Variants in BCL2L13 observed in about 807,000 individuals in gnomAD.
BCL2L13 encodes bcl-2-like protein 13.
A neutral mutation model predicts 25.8 loss-of-function variants in BCL2L13; 13 were observed. The ratio of observed to expected loss-of-function variants is 0.50; its 90% CI spans 0.33 to 0.80. The LOEUF (loss-of-function observed/expected upper bound fraction) is 0.80, where lower values mean the gene tolerates loss of function less well. Among genes scored for constraint, BCL2L13 ranks in the 30% least tolerant of loss-of-function variants. BCL2L13 has a pLI of 0.02. For missense variants in BCL2L13, 504 were observed against 574.9 expected (o/e 0.88, Z 1.26); for synonymous variants, 244 against 230.3 (o/e 1.06, Z -0.54).
chr22:17,639,876 CAG>C (rs1385297458), intron 1 of BCL2L13, among the ~76,000 whole-genome samples: 1 of 145,488 alleles, frequency 6.9e-6, no homozygotes, highest in African/African-American at 2.6e-5. Context: ...TTTTTTGAGA[CAG>C]AGTTTCCCTC....
At chr22:17,666,603 C>G (rs1017780502) in intron 2 of BCL2L13, among the ~76,000 whole-genome samples, 15 of 151,024 alleles carry the variant, frequency 9.9e-5, no homozygotes, top group African/African-American at 3.2e-4. Flanking sequence ...GTTTGTCTTT[C>G]TGTGCCTGGC....
At chr22:17,689,672 G>A (rs1024495805) in intron 4 of BCL2L13, among the ~76,000 whole-genome samples, 4 of 151,258 alleles carry the variant, frequency 2.6e-5, no homozygotes, top group Admixed American at 6.6e-5. Context: ...GTGAAACCTC[G>A]TCTCTACTAA....
chr22:17,650,943 T>C (rs1346557551), intron 1 of BCL2L13, among the ~76,000 whole-genome samples: 1 of 151,430 alleles, frequency 6.6e-6, no homozygotes, highest in East Asian at 1.9e-4. Flanking sequence ...CTTCCCAAAG[T>C]GTTGGGATTA....
At chr22:17,713,462 T>TTA (rs766362491) in intron 6 of BCL2L13, among the ~76,000 whole-genome samples, 4 of 72,074 alleles carry the variant, frequency 5.5e-5, no homozygotes, top group Non-Finnish European at 1.4e-4. Context: ...GAAAATGCAT[T>TTA]TTTTTTTTTT....
At chr22:17,712,628 G>C (rs989631080) in intron 6 of BCL2L13, among the ~76,000 whole-genome samples, 28 of 152,280 alleles carry the variant, frequency 1.8e-4, no homozygotes, top group African/African-American at 6.7e-4. Context: ...TAATTCCTTA[G>C]TAACAGATGT....
chr22:17,692,594 T>C (rs1601684367), intron 4 of BCL2L13, among the ~76,000 whole-genome samples: 1 of 152,238 alleles, frequency 6.6e-6, no homozygotes, highest in South Asian at 2.1e-4. Flanking sequence ...GGGAAGGTGA[T>C]GCCAGGAAGA....
At chr22:17,631,656 GTA>G (rs2058016924) in intron 1 of BCL2L13, among the ~76,000 whole-genome samples, 1 of 30,498 alleles carries the variant, frequency 3.3e-5, no homozygotes, top group African/African-American at 2.1e-4. Flanking sequence ...GTGTGTGTAT[GTA>G]TGTGTGTGTG....
intron 6 of BCL2L13, among the ~76,000 whole-genome samples, chr22:17,720,958 A>G (rs12172329): frequency 0.066 from 10,094 of 151,912 alleles, 500 homozygotes; most frequent in Non-Finnish European, 0.1. Context: ...CGAGGTCAGG[A>G]GATCGAGACC....
intron 6 of BCL2L13, among the ~76,000 whole-genome samples, chr22:17,708,476 A>G (rs761942663): frequency 3.3e-5 from 5 of 152,224 alleles, no homozygotes; most frequent in Admixed American, 6.5e-5. Flanking sequence ...TAATCCTCTC[A>G]TAGCATTGTT....
At chr22:17,646,955 A>T (rs28410218) in intron 1 of BCL2L13, among the ~76,000 whole-genome samples, 1,802 of 22,246 alleles carry the variant, frequency 0.081, 132 homozygotes, top group East Asian at 0.15. Flanking sequence ...ATATATATAT[A>T]TTTTTTTTTT....
In BCL2L13 at chr22:17,702,257, G is replaced by A. The variant is rs1047629684; in HGVS notation, c.471G>A (p.Leu157=). ...TTGCATTGAAGATTTTGGTGCCTCT[G>A]GTTTTGCTACGACAAATGCTTTTGG... ...ASGWNKILVP[L]VLLRQMLLEL... Residue 157 remains leucine, a synonymous_variant, in exon 6 of 7, where the codon CTG becomes CTA. Coordinates refer to ENST00000317582, the MANE Select transcript of BCL2L13 (RefSeq NM_015367.4). The A allele has an allele frequency of 5.0e-6, 8 of 1,605,092 alleles. No homozygotes were observed. In the Admixed American group the frequency reaches 5.2e-5, roughly 10 times the overall value.
upstream of BCL2L13, chr22:17,638,587 AT>A: frequency 2.1e-6 from 2 of 959,500 alleles, no homozygotes; most frequent in Non-Finnish European, 2.7e-6. Context: ...GAACGTCGCA[AT>A]CAGATTTGGG....
intron 2 of BCL2L13, among the ~76,000 whole-genome samples, chr22:17,660,003 G>A (rs568155980): frequency 1.4e-5 from 2 of 146,078 alleles, no homozygotes; most frequent in South Asian, 4.3e-4. Flanking sequence ...CTACAGGCAC[G>A]CGCCACTGCG....
At chr22:17,682,470 G>C (rs1448202830) in intron 2 of BCL2L13, among the ~76,000 whole-genome samples, 7 of 152,088 alleles carry the variant, frequency 4.6e-5, no homozygotes. Flanking sequence ...TTTGAAGTGG[G>C]GGGAATGGAC....
intron 2 of BCL2L13, among the ~76,000 whole-genome samples, chr22:17,680,546 A>C (rs920408461): frequency 7.3e-6 from 1 of 136,612 alleles, no homozygotes; most frequent in Non-Finnish European, 1.6e-5. Context: ...AAAAAAGAAA[A>C]AAAGACTCAT....
Position 17,702,351 on chromosome 22 carries a change from T to A in BCL2L13, c.565T>A (p.Tyr189Asn), listed in dbSNP as rs2060463304. 1 of 1,610,466 alleles carries A rather than the reference T, an allele frequency of 6.2e-7. No homozygotes were observed. The highest frequency in any genetic ancestry group is 8.5e-7 in the Non-Finnish European group (1 of 1,178,166). The change falls in exon 6 of 7, where the codon TAT (tyrosine) becomes AAT (asparagine). Residue 189 changes from tyrosine (Y) to asparagine (N), a missense_variant. By Grantham distance (143) the Tyr-to-Asn change is moderately radical. Transcript: ENST00000317582. The stretch of plus-strand genomic sequence containing the variant: ...GTTTGGCGTGACATACCTGGAGGAC[T>A]ATTCGGCAGAGTACATCATTCAGCA... ...LQFGVTYLEDYSAEYIIQQGG... is the reference protein window; with the variant it reads ...LQFGVTYLEDNSAEYIIQQGG...
intron 6 of BCL2L13, among the ~76,000 whole-genome samples, chr22:17,720,952 G>T (rs942406734): frequency 2.6e-5 from 4 of 151,966 alleles, no homozygotes; most frequent in African/African-American, 9.7e-5. Flanking sequence ...GGATCACGAG[G>T]TCAGGAGATC....
At chr22:17,696,327 A>AG in intron 5 of BCL2L13, 117 bp downstream of exon 5, 1 of 865,292 alleles carries the variant, frequency 1.2e-6, no homozygotes, top group South Asian at 1.4e-5. Context: ...TAATGCACAA[A>AG]TCTATGTTAA....
intron 2 of BCL2L13, among the ~76,000 whole-genome samples, chr22:17,678,112 T>C (rs2059627586): frequency 6.6e-6 from 1 of 152,040 alleles, no homozygotes; most frequent in East Asian, 2.0e-4. Flanking sequence ...AGCCTCGACC[T>C]CCCAGGCTCA....
Sources: gnomAD v4.1 joint callset for allele counts (sites outside exome capture counted in the v4.1 genomes callset) on GRCh38, gnomAD v4.1.1 for gene constraint, MANE v1.5 for transcripts, NCBI Gene and HGNC (gene_info 2026-07-23, HGNC 2026-07-21) for gene names.